The following POLE variants were observed in gnomAD, a reference collection of about 807,000 sequenced individuals.
The protein encoded by POLE is DNA polymerase epsilon catalytic subunit A.
Under a neutral mutation model 279.2 loss-of-function variants are expected in POLE, and 188 were observed. That is an observed-to-expected ratio of 0.67 (90% CI 0.60 to 0.76). The LOEUF (loss-of-function observed/expected upper bound fraction) is 0.76. Among genes scored for constraint, POLE ranks in the 30% least tolerant of loss-of-function variants. The pLI is 0.00. For synonymous variants in POLE, 1,214 were observed against 1,172.5 expected (o/e 1.04, Z -0.72); for missense variants, 2,703 against 3,016.7 (o/e 0.90, Z 2.44).
rs1213479536 is a variant in POLE at position 132,657,745 on chromosome 12, T to C, written c.3378+123A>G. The C allele has an allele frequency of 3.9e-6, 3 of 761,276 alleles. No homozygotes were observed. The East Asian group carries it at 7.4e-5, about 19-fold the overall frequency. 47.2% of individuals were successfully genotyped at this position (761,276 alleles called of 1,614,324 possible). On this transcript the variant is annotated intron_variant, in intron 27 of 48. Transcript: ENST00000320574. ...TTATTAGGTGCTCACCTATTACTTA[T>C]CAGAAAGGAGGAAGTCAAGAGTGAA...
At chr12:132,663,035 C>A (rs2042713705) in intron 23 of POLE, among the ~76,000 whole-genome samples, 1 of 152,248 alleles carries the variant, frequency 6.6e-6, no homozygotes, top group African/African-American at 2.4e-5. Context: ...GGCGTAACTG[C>A]TGCAGGTGCG....
At chr12:132,642,049 G>A (rs1593728780) in intron 38 of POLE, 128 bp downstream of exon 38, 2 of 984,586 alleles carry the variant, frequency 2.0e-6, no homozygotes, top group Non-Finnish European at 3.1e-6. Context: ...ACCGTCTCCT[G>A]CAGCCTCAGC....
chr12:132,642,659 A>G lies in POLE; in HGVS notation c.4799T>C (p.Ile1600Thr), dbSNP rs945434123. 2.5e-6 allele frequency: 4 copies of G among 1,613,128 alleles called. No individual in the cohort carries two copies. The African/African-American group carries it at 5.3e-5, about 22-fold the overall frequency. Residue 1600 changes from isoleucine to threonine, a missense_variant, in exon 37 of 49, where the codon ATT becomes ACT. Coordinates refer to ENST00000320574, the MANE Select transcript of POLE (RefSeq NM_006231.4). ...SWELKRLASE[I>T]PVLEEFPLVP... ...CAGTGGGAATTCCTCCAAGACAGGA[A>G]TTTCACTGGCCAGCCTCTTCAGCTC...
At chr12:132,674,184 T>C (rs1057057842) in intron 12 of POLE, among the ~76,000 whole-genome samples, 6 of 125,152 alleles carry the variant, frequency 4.8e-5, no homozygotes, top group African/African-American at 2.1e-4. Flanking sequence ...AAATAAAAAA[T>C]AAAAATTAAG....
chr12:132,664,848 C>T lies in POLE; in HGVS notation c.2469-386G>A, dbSNP rs1328016660. ...CCAGGCCTAGCTGCCAGGCCCAACC[C>T]TCCTCCAGCCTGGGTCCCAGCCCTG... On this transcript the variant is annotated intron_variant, in intron 21 of 48. Transcript: ENST00000320574. The surrounding 1 kb of genome is among the most constrained non-coding windows in gnomAD (Gnocchi z 5.3). Among the ~76,000 whole-genome samples, 2 of 152,110 alleles carry T rather than the reference C, an allele frequency of 1.3e-5. No homozygotes were observed. Among genetic ancestry groups the T allele is most frequent in the Non-Finnish European group, 2.9e-5 (2 of 68,024 alleles).
intron 5 of POLE, 90 bp from the exon 6 acceptor site, chr12:132,679,741 C>A: frequency 6.8e-7 from 1 of 1,465,246 alleles, no homozygotes; most frequent in South Asian, 1.3e-5. Flanking sequence ...ACACACAAGT[C>A]AAAGAGTTGG....
At chr12:132,673,532 C>A in intron 13 of POLE, 43 bp downstream of exon 13, 5 of 1,601,448 alleles carry the variant, frequency 3.1e-6, no homozygotes, top group Non-Finnish European at 4.2e-6. Flanking sequence ...CATCTGGATG[C>A]GTGCACACGG....
At chr12:132,678,570 C>A (rs2043106637) in intron 6 of POLE, among the ~76,000 whole-genome samples, 2 of 152,142 alleles carry the variant, frequency 1.3e-5, no homozygotes, top group Admixed American at 1.3e-4. Context: ...GAGCAAGACC[C>A]TGTCTCAAAA....
At position 132,675,992 on chromosome 12, in the gene POLE, G is replaced by T; in HGVS notation, c.1020+102C>A. The T allele has an allele frequency of 1.1e-6, 1 of 943,668 alleles. No homozygotes were observed. Among genetic ancestry groups the T allele is most frequent in the Non-Finnish European group, 1.6e-6 (1 of 606,416 alleles). 58.5% of individuals were successfully genotyped at this position (943,668 alleles called of 1,614,324 possible). On this transcript the variant is annotated intron_variant, in intron 10 of 48. Coordinates refer to ENST00000320574, the MANE Select transcript of POLE (RefSeq NM_006231.4). The surrounding 1 kb of genome is among the most constrained non-coding windows in gnomAD (Gnocchi z 4.3). ...TCATACCCTGAGAACAAAGCTCATGGAGCTGCAATTCTGATCTGACGGAAT... is the reference window on the plus strand; with the variant it reads ...TCATACCCTGAGAACAAAGCTCATGTAGCTGCAATTCTGATCTGACGGAAT...
At position 132,661,366 on chromosome 12, in the gene POLE, C is replaced by T. The variant is rs1361536349; in HGVS notation, c.2864+161G>A. 1.3e-5 allele frequency among the ~76,000 whole-genome samples: 2 copies of T among 152,214 alleles called. No homozygotes were observed. Among genetic ancestry groups the T allele is most frequent in the Admixed American group, 6.5e-5 (1 of 15,274 alleles). On this transcript the variant is annotated intron_variant, in intron 24 of 48. Transcript: ENST00000320574. The surrounding 1 kb of genome is among the most constrained non-coding windows in gnomAD (Gnocchi z 4.1). ...GGCCTGCAGCCACAGAGCCAGAATA[C>T]AGCAGGCGGGCAGACAGAGCTGGTG...
Position 132,626,664 on chromosome 12 carries a change from C to G in POLE, c.6331-347G>C, listed in dbSNP as rs5745063. On this transcript the variant is annotated intron_variant, in intron 45 of 48. Coordinates refer to ENST00000320574, the MANE Select transcript of POLE (RefSeq NM_006231.4). ...TAAGAAACTACAGACCAATAACAGC[C>G]TGAGCACAGACACAAAAATGCGCAA... 9.8e-4 allele frequency among the ~76,000 whole-genome samples: 149 copies of G among 152,106 alleles called. 4 individuals are homozygous for G. The South Asian group carries it at 0.029, about 30-fold the overall frequency.
rs773214571 is a variant in POLE at position 132,641,826 on chromosome 12, G to A, written c.5199C>T (p.Asn1733=). The A allele has an allele frequency of 1.9e-6, 3 of 1,601,274 alleles. No individual in the cohort carries two copies. The highest frequency in any genetic ancestry group is 1.7e-4 in the Middle Eastern group (1 of 6,002). ...STVCVELDLQ[N]LAVNTILQSH... ...ACTGGAGAATGGTGTTGACGGCCAGGTTCTGAAGGTCCAGCTCCACACACA... is the reference window on the plus strand; with the variant it reads ...ACTGGAGAATGGTGTTGACGGCCAGATTCTGAAGGTCCAGCTCCACACACA... The change falls in exon 39 of 49, where the codon AAC becomes AAT. Residue 1733 remains asparagine, a synonymous_variant. Coordinates refer to ENST00000320574, the MANE Select transcript of POLE (RefSeq NM_006231.4).
intron 2 of POLE, 80 bp downstream of exon 2, chr12:132,681,058 C>T (rs899638359): frequency 6.6e-7 from 1 of 1,520,556 alleles, no homozygotes; most frequent in Admixed American, 1.8e-5. Flanking sequence ...CATGTGTCCC[C>T]CACTCTTTAG....
chr12:132,639,039 T>C lies in POLE; in HGVS notation c.5552+86A>G. ...AATACACTACTTATCCCAGAGGCAC[T>C]GGCTGGCCATGTCTCTGGTTCTGGG... is the stretch of plus-strand genomic sequence containing the variant. On this transcript the variant is annotated intron_variant, in intron 40 of 48. Coordinates refer to ENST00000320574, the MANE Select transcript of POLE (RefSeq NM_006231.4). This position sits in a 1 kb window ranked among gnomAD's most constrained non-coding sequence, Gnocchi z 4.7. 8.7e-7 allele frequency: 1 copy of C among 1,147,930 alleles called. No individual in the cohort carries two copies. The highest frequency in any genetic ancestry group is 1.3e-6 in the Non-Finnish European group (1 of 770,642). 71.1% of individuals were successfully genotyped at this position (1,147,930 alleles called of 1,614,324 possible).
chr12:132,644,112 T>C, intron 32 of POLE, 135 bp from the exon 33 acceptor site: 1 of 727,048 alleles, frequency 1.4e-6, no homozygotes, highest in Non-Finnish European at 2.3e-6. Context: ...CACGCCACAG[T>C]CCACCTCTCT....
At chr12:132,652,345 CAG>C (rs1430319609) in intron 29 of POLE, among the ~76,000 whole-genome samples, 3 of 121,088 alleles carry the variant, frequency 2.5e-5, no homozygotes, top group Admixed American at 9.9e-5. Flanking sequence ...TTTAAAGACA[CAG>C]GGGTCTCGCT....
rs114828204 is a variant in POLE at position 132,665,731 on chromosome 12, G to C, written c.2320-281C>G. Among the ~76,000 whole-genome samples, 2,598 of 152,250 alleles carry C rather than the reference G, an allele frequency of 0.017. 66 individuals are homozygous for C. Among genetic ancestry groups the C allele is most frequent in the African/African-American group, 0.057 (2,383 of 41,528 alleles). On this transcript the variant is annotated intron_variant, in intron 20 of 48. Transcript: ENST00000320574. ...CTTCAGCACAGTTTCTAGGGAACAA[G>C]AGCTACTCGGGGGTGCCTGGTAAAA...
intron 1 of POLE, among the ~76,000 whole-genome samples, chr12:132,681,862 T>G (rs950319781): frequency 2.6e-5 from 4 of 152,090 alleles, no homozygotes; most frequent in African/African-American, 9.7e-5. Flanking sequence ...TGAGAGTGCA[T>G]GTAACACTGA....
intron 2 of POLE, 34 bp from the exon 3 acceptor site, chr12:132,680,721 C>A: frequency 6.6e-7 from 1 of 1,509,858 alleles, no homozygotes; most frequent in South Asian, 1.1e-5. Context: ...GACACAAGAC[C>A]ATCCTCTACA....
Sources: allele counts gnomAD v4.1 joint callset (sites outside exome capture counted in the v4.1 genomes callset), GRCh38; gene constraint gnomAD v4.1.1; non-coding constraint Gnocchi (gnomAD v3.1); transcripts MANE v1.5; gene names NCBI Gene and HGNC (gene_info 2026-07-23, HGNC 2026-07-21).